The following PCDH15 variants were observed in gnomAD, a reference collection of about 807,000 sequenced individuals.
PCDH15 encodes the protein protocadherin-15.
Under a neutral mutation model 178.5 loss-of-function variants are expected in PCDH15, and 129 were observed. That is an observed-to-expected ratio of 0.72 (90% CI 0.63 to 0.84). PCDH15 has a LOEUF of 0.84. Among genes scored for constraint, PCDH15 ranks in the 40% least tolerant of loss-of-function variants. PCDH15 has a pLI of 0.00. For missense variants in PCDH15, 2,230 were observed against 2,099.9 expected (o/e 1.06, Z -1.21); for synonymous variants, 800 against 732.0 (o/e 1.09, Z -1.50).
chr10:54,369,108 A>G lies in PCDH15; in HGVS notation c.474+12T>C. 4.3e-6 allele frequency: 7 copies of G among 1,612,584 alleles called. No individual in the cohort carries two copies. Among genetic ancestry groups the G allele is most frequent in the Non-Finnish European group, 5.9e-6 (7 of 1,179,062 alleles). On this transcript the variant is annotated intron_variant, in intron 5 of 37. Transcript: ENST00000644397. ...AACAGAAAGGACAGAGAGAGAGTAA[A>G]TAGAAACTGACCTCATTCACTGTGG...
chr10:54,143,597 C>A (rs911936983), intron 14 of PCDH15, among the ~76,000 whole-genome samples: 8 of 152,074 alleles, frequency 5.3e-5, no homozygotes, highest in Non-Finnish European at 7.4e-5. Flanking sequence ...TGAAGCAGAG[C>A]AATAATTGAT....
At chr10:55,067,528 G>C (rs774836599) in intron 2 of PCDH15, among the ~76,000 whole-genome samples, 18 of 151,808 alleles carry the variant, frequency 1.2e-4, no homozygotes, top group Non-Finnish European at 2.5e-4. Flanking sequence ...GTGAATAGTG[G>C]TTTGACAAAT....
At chr10:55,565,986 T>C (rs1043153616) in intron 2 of PCDH15, among the ~76,000 whole-genome samples, 4 of 151,578 alleles carry the variant, frequency 2.6e-5, no homozygotes, top group Non-Finnish European at 5.9e-5. Flanking sequence ...ACTCATTCTA[T>C]AAGACATCAT....
chr10:54,272,271 T>C (rs2058097855), intron 8 of PCDH15, among the ~76,000 whole-genome samples: 1 of 151,826 alleles, frequency 6.6e-6, no homozygotes, highest in Non-Finnish European at 1.5e-5. Flanking sequence ...CAGATATTTT[T>C]AGTTCACTCA....
At chr10:54,821,891 C>A (rs115205528) in intron 3 of PCDH15, among the ~76,000 whole-genome samples, 1 of 151,994 alleles carries the variant, frequency 6.6e-6, no homozygotes, top group South Asian at 2.1e-4. Context: ...ATCTTAAACA[C>A]GCTTTGAATT....
At chr10:53,982,245 T>C (rs1159328687) in intron 21 of PCDH15, among the ~76,000 whole-genome samples, 1 of 152,188 alleles carries the variant, frequency 6.6e-6, no homozygotes, top group Non-Finnish European at 1.5e-5. Flanking sequence ...GTTCAACCAC[T>C]GTGGAAGTCA....
intron 13 of PCDH15, among the ~76,000 whole-genome samples, chr10:54,169,891 A>G (rs1214658644): frequency 6.6e-6 from 1 of 151,164 alleles, no homozygotes; most frequent in East Asian, 1.9e-4. Context: ...TTAGTTCAGA[A>G]TCTGCGCCTT....
Position 54,078,972 on chromosome 10 carries a change from G to A in PCDH15, c.2091+359C>T, listed in dbSNP as rs113157214. ...CCTCCCTGACCCTTAAAAAAATGACGCTAAGTGTAACAGGTTCCAACATAA... is the reference window on the plus strand; with the variant it reads ...CCTCCCTGACCCTTAAAAAAATGACACTAAGTGTAACAGGTTCCAACATAA... On this transcript the variant is annotated intron_variant, in intron 17 of 37. Coordinates refer to ENST00000644397, the MANE Select transcript of PCDH15 (RefSeq NM_001384140.1). Among the ~76,000 whole-genome samples, 239 of 152,196 alleles carry A rather than the reference G, an allele frequency of 1.6e-3. 1 individual carries two copies. The highest frequency in any genetic ancestry group is 5.7e-3 in the African/African-American group (236 of 41,544).
chr10:55,319,083 G>A (rs558923399), intron 1 of PCDH15, among the ~76,000 whole-genome samples: 6 of 151,500 alleles, frequency 4.0e-5, no homozygotes, highest in South Asian at 2.1e-4. Flanking sequence ...AAACACACAC[G>A]ATTCCCCTAT....
chr10:54,250,077 C>CTATT lies in PCDH15; in HGVS notation c.877-13147_877-13146insAATA, dbSNP rs1412806029. ...TACAGGTGCATGCCACCACATCCGG[C>CTATT]TTTTTTTTTTTTTGTATTATTGGTT... is the stretch of plus-strand genomic sequence containing the variant. On this transcript the variant is annotated intron_variant, in intron 8 of 37. Transcript: ENST00000644397. Among the ~76,000 whole-genome samples the CTATT allele has an allele frequency of 5.8e-5, 8 of 137,800 alleles. 1 individual carries two copies. Among genetic ancestry groups the CTATT allele is most frequent in the African/African-American group, 1.9e-4 (7 of 36,980 alleles). 90.4% of individuals were successfully genotyped at this position (137,800 alleles called of 152,430 possible).
intron 2 of PCDH15, among the ~76,000 whole-genome samples, chr10:54,588,849 T>C (rs55666127): frequency 0.1 from 15,862 of 152,192 alleles, 1,140 homozygotes; most frequent in Non-Finnish European, 0.17. Flanking sequence ...GCTGGTATTA[T>C]AGGCATAAGC....
At chr10:55,038,638 A>G (rs576799043) in intron 2 of PCDH15, among the ~76,000 whole-genome samples, 2 of 152,308 alleles carry the variant, frequency 1.3e-5, no homozygotes, top group Non-Finnish European at 2.9e-5. Flanking sequence ...AGTTATCAAG[A>G]TCTTCTGTTC....
intron 2 of PCDH15, among the ~76,000 whole-genome samples, chr10:55,399,386 C>A (rs1009226047): frequency 6.6e-6 from 1 of 152,010 alleles, no homozygotes; most frequent in Non-Finnish European, 1.5e-5. Flanking sequence ...GCTCAGAAGA[C>A]CAAATCTTTA....
chr10:54,669,736 G>A (rs1237577685), intron 1 of PCDH15, among the ~76,000 whole-genome samples: 1 of 149,194 alleles, frequency 6.7e-6, no homozygotes, highest in East Asian at 1.9e-4. Context: ...ATCTGAATGT[G>A]TCTTGACTAC....
chr10:54,247,884 ATG>A lies in PCDH15; in HGVS notation c.877-10955_877-10954del, dbSNP rs1404501020. Among the ~76,000 whole-genome samples the A allele has an allele frequency of 6.4e-4, 94 of 147,538 alleles. 1 individual carries two copies. The highest frequency in any genetic ancestry group is 1.0e-3 in the African/African-American group (41 of 39,550). ...CTCTTTCTCAAAAAAAAAAAGAAATATGTATATATATATATCTACATTGCATG... is the reference window on the plus strand; with the variant it reads ...CTCTTTCTCAAAAAAAAAAAGAAATATATATATATATATCTACATTGCATG... On this transcript the variant is annotated intron_variant, in intron 8 of 37. Transcript: ENST00000644397.
intron 13 of PCDH15, among the ~76,000 whole-genome samples, chr10:54,182,506 A>AGTGT (rs71007813): frequency 0.078 from 11,493 of 147,990 alleles, 674 homozygotes; most frequent in African/African-American, 0.16. Context: ...AGAGAAAAAA[A>AGTGT]GTGTGTGTGT....
intron 2 of PCDH15, among the ~76,000 whole-genome samples, chr10:55,590,894 T>C (rs921449313): frequency 1.3e-5 from 2 of 152,174 alleles, no homozygotes; most frequent in African/African-American, 4.8e-5. Context: ...AATGTACTCA[T>C]TTCCTAAGAA....
intron 2 of PCDH15, among the ~76,000 whole-genome samples, chr10:54,539,586 C>T (rs2084971172): frequency 6.6e-6 from 1 of 152,126 alleles, no homozygotes; most frequent in Admixed American, 6.6e-5. Context: ...CAGAAAACTT[C>T]CGCAGAAATT....
chr10:55,179,316 G>A (rs1193983925), intron 1 of PCDH15, among the ~76,000 whole-genome samples: 1 of 152,054 alleles, frequency 6.6e-6, no homozygotes, highest in Non-Finnish European at 1.5e-5. Flanking sequence ...GATAGTGAAA[G>A]GATACAGACG....
Sources: allele counts gnomAD v4.1 joint callset (sites outside exome capture counted in the v4.1 genomes callset), GRCh38; gene constraint gnomAD v4.1.1; transcripts MANE v1.5; gene names NCBI Gene and HGNC (gene_info 2026-07-23, HGNC 2026-07-21).